Variants in SBF2 observed in about 807,000 individuals in gnomAD.
SBF2 encodes the protein SET binding factor 2.
SBF2 carries 112 observed loss-of-function variants against 225.2 expected under a neutral mutation model. The ratio of observed to expected loss-of-function variants is 0.50; its 90% CI spans 0.43 to 0.58. The LOEUF (loss-of-function observed/expected upper bound fraction) is 0.58, where lower values mean the gene tolerates loss of function less well. Ranked by LOEUF, SBF2 falls within the 20% of genes least tolerant of loss-of-function variation. The probability of loss-of-function intolerance (pLI) is 0.00; values close to 1 mark genes in which losing one functional copy is unlikely to be tolerated. For missense variants in SBF2, 1,996 were observed against 2,206.2 expected, an observed-to-expected ratio of 0.90 and a Z score of 1.91; for synonymous variants, 763 against 773.3, an observed-to-expected ratio of 0.99 and a Z score of 0.22.
chr11:9,820,662 A>G (rs1365597491), intron 28 of SBF2, among the ~76,000 whole-genome samples: 1 of 152,196 alleles, frequency 6.6e-6, no homozygotes, highest in Admixed American at 6.5e-5. Flanking sequence ...CAGATACAAT[A>G]TTAGCACCTC....
At chr11:9,862,643 G>C (rs1367945616) in intron 17 of SBF2, among the ~76,000 whole-genome samples, 2 of 151,882 alleles carry the variant, frequency 1.3e-5, no homozygotes, top group Non-Finnish European at 2.9e-5. Context: ...TTCAAATTCA[G>C]TATAACCTGG....
intron 1 of SBF2, among the ~76,000 whole-genome samples, chr11:10,281,374 C>T (rs61889838): frequency 0.2 from 30,272 of 152,100 alleles, 3,958 homozygotes; most frequent in Non-Finnish European, 0.3. Context: ...GGAAGGCATA[C>T]CCTCATCCTT....
At chr11:10,246,416 T>TG (rs1409314023) in intron 1 of SBF2, among the ~76,000 whole-genome samples, 3 of 152,298 alleles carry the variant, frequency 2.0e-5, no homozygotes, top group African/African-American at 7.2e-5. Flanking sequence ...CCCGAGTAGC[T>TG]GGGGTTACAA....
chr11:9,816,689 C>G (rs1435807324), intron 29 of SBF2, 151 bp downstream of exon 29: 1 of 523,742 alleles, frequency 1.9e-6, no homozygotes, highest in African/African-American at 2.0e-5. Flanking sequence ...TAAATAAATA[C>G]AAAAGGAGAG....
intron 2 of SBF2, among the ~76,000 whole-genome samples, chr11:10,176,943 T>C (rs1459422482): frequency 6.6e-6 from 1 of 152,074 alleles, no homozygotes; most frequent in Admixed American, 6.6e-5. Flanking sequence ...AAATCCTCAA[T>C]AAAATACTGG....
At chr11:9,994,025 A>G (rs754272785) in intron 9 of SBF2, 27 bp from the exon 10 acceptor site, 2 of 1,166,864 alleles carry the variant, frequency 1.7e-6, no homozygotes, top group South Asian at 2.5e-5. Flanking sequence ...TTGTTATGTA[A>G]AATATCATAA....
chr11:9,898,484 A>G (rs1861455578), intron 16 of SBF2, among the ~76,000 whole-genome samples: 1 of 152,134 alleles, frequency 6.6e-6, no homozygotes, highest in African/African-American at 2.4e-5. Context: ...CAGCCTGGGC[A>G]ACATGGTGAA....
At chr11:10,061,096 A>G (rs2134754538) in intron 2 of SBF2, among the ~76,000 whole-genome samples, 1 of 152,304 alleles carries the variant, frequency 6.6e-6, no homozygotes, top group Non-Finnish European at 1.5e-5. Flanking sequence ...AACTAAAGAC[A>G]AAAACCACAT....
At chr11:9,826,958 C>T (rs576053836) in intron 28 of SBF2, among the ~76,000 whole-genome samples, 13 of 152,162 alleles carry the variant, frequency 8.5e-5, no homozygotes, top group African/African-American at 3.1e-4. Flanking sequence ...CTGTCTCAGC[C>T]TCCTGAGTAG....
At chr11:10,237,026 T>C (rs368959654) in intron 1 of SBF2, among the ~76,000 whole-genome samples, 1 of 152,080 alleles carries the variant, frequency 6.6e-6, no homozygotes, top group Non-Finnish European at 1.5e-5. Context: ...CAATCTGAAA[T>C]CCAGATGAAG....
In SBF2 at chr11:10,284,629, C is replaced by G. The variant is rs1443077256; in HGVS notation, c.55+9386G>C. The stretch of plus-strand genomic sequence containing the variant: ...TGAGACGGGATCTTGTTCCATTACC[C>G]AGGCTGGAGTTTGTTCCGTTACCCA... On this transcript the variant is annotated intron_variant, in intron 1 of 39. Transcript: ENST00000256190. Among the ~76,000 whole-genome samples, 3 of 151,480 alleles carry G rather than the reference C, an allele frequency of 2.0e-5. 1 individual carries two copies.
At chr11:9,967,343 G>A (rs1866981790) in intron 14 of SBF2, among the ~76,000 whole-genome samples, 1 of 149,286 alleles carries the variant, frequency 6.7e-6, no homozygotes, top group African/African-American at 2.5e-5. Context: ...CTGCACTCCA[G>A]CCTGGGTGAC....
chr11:10,019,944 G>GT (rs774131078), intron 6 of SBF2, among the ~76,000 whole-genome samples: 19 of 152,044 alleles, frequency 1.2e-4, no homozygotes, highest in Non-Finnish European at 1.6e-4. Flanking sequence ...TTTTAGGAAC[G>GT]TAAGTTATTT....
intron 2 of SBF2, among the ~76,000 whole-genome samples, chr11:10,139,450 G>A (rs563139547): frequency 2.0e-4 from 30 of 152,206 alleles, no homozygotes; most frequent in Middle Eastern, 3.4e-3. Flanking sequence ...TCAAATTAGC[G>A]TATTAGAAGT....
intron 9 of SBF2, among the ~76,000 whole-genome samples, chr11:9,995,741 C>T (rs778665510): frequency 6.6e-6 from 1 of 151,218 alleles, no homozygotes; most frequent in Non-Finnish European, 1.5e-5. Context: ...ACCTCCGCCT[C>T]CTGGGTTCAA....
At chr11:9,964,071 C>T (rs190138073) in intron 14 of SBF2, among the ~76,000 whole-genome samples, 189 bp from the exon 15 acceptor site, 51 of 152,168 alleles carry the variant, frequency 3.4e-4, no homozygotes, top group Admixed American at 5.9e-4. Context: ...GGCAACATAG[C>T]AAGACCCTTG....
At chr11:9,938,548 GAAAT>G (rs1184316118) in intron 16 of SBF2, among the ~76,000 whole-genome samples, 1 of 150,976 alleles carries the variant, frequency 6.6e-6, no homozygotes, top group African/African-American at 2.4e-5. Context: ...TATTCGTTTA[GAAAT>G]AAATATCCAT....
At chr11:10,202,471 C>T (rs2135357396) in intron 1 of SBF2, among the ~76,000 whole-genome samples, 1 of 152,286 alleles carries the variant, frequency 6.6e-6, no homozygotes. Flanking sequence ...CAGTAATTCT[C>T]CCACTAGCTA....
chr11:9,912,816 T>G (rs1044112246), intron 16 of SBF2, among the ~76,000 whole-genome samples: 14 of 152,226 alleles, frequency 9.2e-5, no homozygotes, highest in Admixed American at 7.2e-4. Flanking sequence ...AATTTAAAAA[T>G]TTATAAAATG....
Sources: allele counts gnomAD v4.1 joint callset (sites outside exome capture counted in the v4.1 genomes callset), GRCh38; gene constraint gnomAD v4.1.1; transcripts MANE v1.5; gene names NCBI Gene and HGNC (gene_info 2026-07-23, HGNC 2026-07-21).